The following IGFN1 variants were observed in gnomAD, a reference collection of about 807,000 sequenced individuals.
IGFN1 encodes the protein immunoglobulin-like and fibronectin type III domain-containing protein 1.
IGFN1 carries 253 observed loss-of-function variants against 289.5 expected under a neutral mutation model. That is an observed-to-expected ratio of 0.87 (90% CI 0.79 to 0.97). IGFN1 has a LOEUF of 0.97. Among genes scored for constraint, IGFN1 ranks in the 50% least tolerant of loss-of-function variants. The pLI, the probability that IGFN1 is intolerant of heterozygous loss-of-function variation, is 0.00. For synonymous variants in IGFN1, 1,706 were observed against 1,788.5 expected (o/e 0.95, Z 1.16); for missense variants, 4,470 against 4,686.1 (o/e 0.95, Z 1.35).
rs1399124538 is a variant in IGFN1 at position 201,209,435 on chromosome 1, G to A, written c.4542G>A (p.Arg1514=). ...GTTCAGGGAGCAAAGCAGGTTATAGGGGTGGCTTAGGTTCTGGGGAAATGG... is the reference window on the plus strand; with the variant it reads ...GTTCAGGGAGCAAAGCAGGTTATAGAGGTGGCTTAGGTTCTGGGGAAATGG... ...GGGSGSKAGY[R]GGLGSGEMGS... is the part of the protein sequence containing the mutation. The change falls in exon 12 of 24, where the codon AGG becomes AGA. Residue 1514 remains arginine (R), a synonymous_variant. Transcript: ENST00000335211. 3.3e-6 allele frequency: 5 copies of A among 1,535,428 alleles called. No homozygotes were observed. Among genetic ancestry groups the A allele is most frequent in the African/African-American group, 2.7e-5 (2 of 72,750 alleles).
chr1:201,197,404 G>T, intron 5 of IGFN1, 87 bp downstream of exon 5: 1 of 786,972 alleles, frequency 1.3e-6, no homozygotes, highest in Non-Finnish European at 2.1e-6. Context: ...TGAGGGAGGG[G>T]AGGGGAGGGA....
At chr1:201,202,751 C>CCCTTCCTTCCTTCCTT (rs1171116818) in intron 9 of IGFN1, among the ~76,000 whole-genome samples, 1 of 38,972 alleles carries the variant, frequency 2.6e-5, no homozygotes, top group African/African-American at 1.3e-4. Context: ...CTCCCTCCCT[C>CCCTTCCTTCCTTCCTT]CCTTCCTTCC....
intron 1 of IGFN1, 36 bp from the exon 2 acceptor site, chr1:201,193,211 T>C: frequency 9.4e-7 from 1 of 1,059,550 alleles, no homozygotes; most frequent in South Asian, 1.3e-5. Flanking sequence ...GAGACCAGCC[T>C]GGATTTCTCA....
rs1558154050 is a variant in IGFN1 at position 201,215,762 on chromosome 1, G to A, written c.9219G>A (p.Lys3073=). 6 of 1,607,714 alleles carry A rather than the reference G, an allele frequency of 3.7e-6. No individual in the cohort carries two copies. The highest frequency in any genetic ancestry group is 1.7e-4 in the Middle Eastern group (1 of 6,042). Residue 3073 remains lysine (K), a synonymous_variant, in exon 15 of 24, where the codon AAG becomes AAA. Transcript: ENST00000335211. ...TGTGCCTCCCCAGCGCAGGCAGGAA[G>A]GACTGTGGCCAGTACAGCGTGACAC... ...TRLCLPSAGR[K]DCGQYSVTLR... is the part of the protein sequence containing the mutation.
At chr1:201,204,082 C>T (rs1284699681) in intron 10 of IGFN1, among the ~76,000 whole-genome samples, 176 bp downstream of exon 10, 1 of 152,160 alleles carries the variant, frequency 6.6e-6, no homozygotes, top group African/African-American at 2.4e-5. Flanking sequence ...TTTTCCAAAG[C>T]CTTGGTGCGA....
Position 201,225,855 on chromosome 1 carries a change from G to A in IGFN1, c.10518G>A (p.Leu3506=), listed in dbSNP as rs1293204256. The A allele has an allele frequency of 3.1e-6, 5 of 1,612,890 alleles. No homozygotes were observed. Among genetic ancestry groups the A allele is most frequent in the Admixed American group, 3.3e-5 (2 of 59,910 alleles). The change falls in exon 22 of 24, where the codon CTG becomes CTA. Residue 3506 remains leucine, a synonymous_variant. Transcript: ENST00000335211. ...CGCAGGCCCCTGGGCCCATCCACCT[G>A]CAGGAGAACGTGCCTGGGACGGTGA... The part of the protein sequence containing the change: ...ACPQAPGPIH[L]QENVPGTVTA...
chr1:201,226,708 A>C (rs1654118469), intron 22 of IGFN1, among the ~76,000 whole-genome samples, 174 bp from the exon 23 acceptor site: 2 of 152,212 alleles, frequency 1.3e-5, no homozygotes, highest in Non-Finnish European at 2.9e-5. Context: ...AAAGAATTTT[A>C]GGAAAAGGAT....
In IGFN1 at chr1:201,206,836, G is replaced by A; in HGVS notation, c.1943G>A (p.Arg648Lys). Residue 648 changes from arginine to lysine, a missense_variant, in exon 12 of 24, where the codon AGG (arginine) becomes AAG (lysine). Coordinates refer to ENST00000335211, the MANE Select transcript of IGFN1 (RefSeq NM_001164586.2). The stretch of plus-strand genomic sequence containing the variant: ...AGAGGGGATGCTCCAAGTAGGGAAA[G>A]GGGGAGAGGAATAGTAGTGTGGGGT... Reference protein sequence around the residue: ...MDRGDAPSRERGRGIVVWGGG... With the variant: ...MDRGDAPSREKGRGIVVWGGG... 2.0e-6 allele frequency: 3 copies of A among 1,536,954 alleles called. No homozygotes were observed. Among genetic ancestry groups the A allele is most frequent in the Middle Eastern group, 1.7e-4 (1 of 5,986 alleles).
intron 15 of IGFN1, 61 bp from the exon 16 acceptor site, chr1:201,216,393 C>T (rs1469360743): frequency 3.8e-5 from 53 of 1,377,404 alleles, no homozygotes; most frequent in South Asian, 2.1e-4. Context: ...GGGGGGTTGG[C>T]GCTGCTCCCC....
chr1:201,193,113 G>T, intron 1 of IGFN1, 134 bp from the exon 2 acceptor site: 1 of 599,418 alleles, frequency 1.7e-6, no homozygotes, highest in Non-Finnish European at 3.0e-6. Flanking sequence ...GCCATTAGTG[G>T]GTTAGAAAAG....
intron 10 of IGFN1, among the ~76,000 whole-genome samples, chr1:201,204,278 GA>G (rs34600422): frequency 0.15 from 22,382 of 152,160 alleles, 1,619 homozygotes; most frequent in East Asian, 0.27. Context: ...ACCCTAGCAA[GA>G]ATCTCTGGGT....
At chr1:201,226,723 T>C (rs1338008949) in intron 22 of IGFN1, among the ~76,000 whole-genome samples, 159 bp from the exon 23 acceptor site, 1 of 152,214 alleles carries the variant, frequency 6.6e-6, no homozygotes, top group Non-Finnish European at 1.5e-5. Flanking sequence ...AAGGATAGAA[T>C]GAGGCAAGCC....
Position 201,205,298 on chromosome 1 carries a change from G to A in IGFN1, c.1133G>A (p.Gly378Asp). The A allele has an allele frequency of 8.6e-6, 13 of 1,505,462 alleles. No individual in the cohort carries two copies. Among genetic ancestry groups the A allele is most frequent in the Non-Finnish European group, 1.2e-5 (13 of 1,124,426 alleles). The allele number at this position is 1,505,462 out of a possible 1,614,324, so 93.3% of individuals were successfully genotyped here. Residue 378 changes from glycine (G) to aspartate (D), a missense_variant, in exon 11 of 24, where the codon GGC becomes GAC. Coordinates refer to ENST00000335211, the MANE Select transcript of IGFN1 (RefSeq NM_001164586.2). The part of the protein sequence containing the change: ...VVRGARFSDM[G>D]PYSLGTGLYT... ...AGGGGGGCACGTTTCTCAGACATGG[G>A]CCCCTATTCGCTGGGCACCGGGCTC... is the stretch of plus-strand genomic sequence containing the variant.
intron 8 of IGFN1, among the ~76,000 whole-genome samples, chr1:201,200,840 T>C (rs1208946677): frequency 1.3e-5 from 2 of 150,986 alleles, no homozygotes; most frequent in African/African-American, 4.9e-5. Context: ...TTCTTTTTTT[T>C]TTTTTTTTTA....
intron 13 of IGFN1, 82 bp from the exon 14 acceptor site, chr1:201,214,931 C>T: frequency 1.4e-6 from 2 of 1,416,156 alleles, no homozygotes; most frequent in Non-Finnish European, 1.9e-6. Flanking sequence ...ATCCCAGCAT[C>T]AGTAAAGGGC....
At position 201,228,490 on chromosome 1, in the gene IGFN1, T is replaced by C; in HGVS notation, c.*91T>C. ...GGAAGCCAATCCCAAGGATGGAGGC[T>C]GTGCCCAGAGCCCCAGGAAAATGGG... On this transcript the variant is annotated 3_prime_UTR_variant, in exon 24 of 24. Coordinates refer to ENST00000335211, the MANE Select transcript of IGFN1 (RefSeq NM_001164586.2). The C allele has an allele frequency of 7.3e-7, 1 of 1,370,586 alleles. No individual in the cohort carries two copies. Among genetic ancestry groups the C allele is most frequent in the Non-Finnish European group, 1.0e-6 (1 of 958,212 alleles). The allele number at this position is 1,370,586 out of a possible 1,614,324, so 84.9% of individuals were successfully genotyped here.
In IGFN1 at chr1:201,197,245, G is replaced by C; in HGVS notation, c.295G>C (p.Asp99His). 6.4e-7 allele frequency: 1 copy of C among 1,551,344 alleles called. No individual in the cohort carries two copies. The change falls in exon 5 of 24, where the codon GAT (aspartate) becomes CAT (histidine). Residue 99 changes from aspartate (D) to histidine (H), a missense_variant. Coordinates refer to ENST00000335211, the MANE Select transcript of IGFN1 (RefSeq NM_001164586.2). ...CAACAAGCTGACAGGCGAGGACACG[G>C]ATCTGTACCGCTGCACAGCAGTAAA... is the stretch of plus-strand genomic sequence containing the variant. ...QINKLTGEDT[D>H]LYRCTAVNAY...
rs1162649664 is a variant in IGFN1 at position 201,211,662 on chromosome 1, C to G, written c.6769C>G (p.Pro2257Ala). 6.5e-7 allele frequency: 1 copy of G among 1,536,886 alleles called. No homozygotes were observed. ...AGATTATAGGAAGGATTTGGGAGCT[C>G]CTGAGGAAATGGGTTCAGGCAGTTA... ...EADYRKDLGA[P>A]EEMGSGSYTD... is the part of the protein sequence containing the mutation. The change falls in exon 12 of 24, where the codon CCT becomes GCT. Residue 2257 changes from proline (P) to alanine (A), a missense_variant. By Grantham distance (27) the Pro-to-Ala change is conservative (BLOSUM62 -1). Around this residue, in one of 8 missense-constraint regions of IGFN1, gnomAD observed 2,218 missense variants for 2,114.1 expected, o/e 1.05. Coordinates refer to ENST00000335211, the MANE Select transcript of IGFN1 (RefSeq NM_001164586.2).
intron 2 of IGFN1, 21 bp downstream of exon 2, chr1:201,193,321 C>G (rs1266670789): frequency 6.6e-7 from 1 of 1,525,784 alleles, no homozygotes; most frequent in Non-Finnish European, 8.9e-7. Context: ...AACTAATCTC[C>G]CCTCCCCAGC....
Sources: allele counts gnomAD v4.1 joint callset (sites outside exome capture counted in the v4.1 genomes callset), GRCh38; gene constraint gnomAD v4.1.1; regional missense constraint gnomAD v4.1.1; transcripts MANE v1.5; gene names NCBI Gene and HGNC (gene_info 2026-07-23, HGNC 2026-07-21).